DAB2: variants seen among roughly 807,000 people sequenced by gnomAD.
DAB2 encodes disabled homolog 2.
Under a neutral mutation model 71.6 loss-of-function variants are expected in DAB2, and 28 were observed. The ratio of observed to expected loss-of-function variants is 0.39; its 90% confidence interval spans 0.29 to 0.54. DAB2 has a LOEUF of 0.54. DAB2 is among the 20% of genes least tolerant of loss of function. The pLI, the probability that DAB2 is intolerant of heterozygous loss-of-function variation, is 0.68. For synonymous variants in DAB2, 345 were observed against 339.7 expected (o/e 1.02, Z -0.17); for missense variants, 867 against 928.8 (o/e 0.93, Z 0.86).
At position 39,372,384 on chromosome 5, in the gene DAB2, C is replaced by G. The variant is rs1754719806; in HGVS notation, c.*1047G>C. The G allele has an allele frequency of 6.6e-6, 1 of 152,178 alleles. No homozygotes were observed. 9.4% of individuals were successfully genotyped at this position (152,178 alleles called of 1,614,324 possible). On this transcript the variant is annotated 3_prime_UTR_variant, in exon 15 of 15. Transcript: ENST00000320816. ...GCCTAGCATGACCCCAAATAAGCAC[C>G]TAATGTGTTTGGCACAATCACATTT... is the stretch of plus-strand genomic sequence containing the variant.
chr5:39,412,449 G>A (rs1755753463), intron 1 of DAB2, among the ~76,000 whole-genome samples: 1 of 152,102 alleles, frequency 6.6e-6, no homozygotes, highest in Non-Finnish European at 1.5e-5. Context: ...TAAGTGCCAG[G>A]CATTCTTCTA....
chr5:39,394,425 T>TGGG lies in DAB2; in HGVS notation c.-101-5_-101-4insCCC. ...AAACATAACCTCCCACAGACACCTG[T>TGGG]AGGCAGAGTTTAGAGGCATATTGAG... On this transcript the variant is annotated splice_region_variant and splice_polypyrimidine_tract_variant and intron_variant, in intron 1 of 14. Transcript: ENST00000320816. 4 of 846,712 alleles carry TGGG rather than the reference T, an allele frequency of 4.7e-6. No individual in the cohort carries two copies. Among genetic ancestry groups the TGGG allele is most frequent in the Non-Finnish European group, 6.1e-6 (3 of 495,046 alleles). 52.4% of individuals were successfully genotyped at this position (846,712 alleles called of 1,614,324 possible). A position where few individuals can be genotyped will look rare whatever the true frequency, so the allele number is the denominator to read the frequency against.
At chr5:39,407,662 A>G (rs1163923802) in intron 1 of DAB2, among the ~76,000 whole-genome samples, 1 of 152,200 alleles carries the variant, frequency 6.6e-6, no homozygotes, top group Admixed American at 6.5e-5. Context: ...GGATACAATC[A>G]TTTCTTCATC....
intron 3 of DAB2, among the ~76,000 whole-genome samples, chr5:39,392,998 T>C (rs867827055): frequency 1.4e-4 from 22 of 152,274 alleles, no homozygotes; most frequent in African/African-American, 5.1e-4. Context: ...ATACGCTTGG[T>C]TCGTCCTAAT....
At chr5:39,388,999 A>G (rs981533730) in intron 7 of DAB2, 98 bp downstream of exon 7, 15 of 1,333,252 alleles carry the variant, frequency 1.1e-5, no homozygotes, top group Non-Finnish European at 1.6e-5. Flanking sequence ...ATAAACACAT[A>G]GTAATAAGCG....
At chr5:39,380,284 A>G (rs1444841743) in intron 11 of DAB2, among the ~76,000 whole-genome samples, 3 of 152,202 alleles carry the variant, frequency 2.0e-5, no homozygotes, top group Admixed American at 2.0e-4. Flanking sequence ...CAGTTGAGTA[A>G]CAGTCCTCCT....
At chr5:39,407,083 C>A (rs747856665) in intron 1 of DAB2, among the ~76,000 whole-genome samples, 1 of 152,196 alleles carries the variant, frequency 6.6e-6, no homozygotes, top group African/African-American at 2.4e-5. Context: ...ATAGCTTTTA[C>A]TACAATCCTC....
intron 4 of DAB2, among the ~76,000 whole-genome samples, chr5:39,391,215 T>G (rs890180874): frequency 1.8e-4 from 28 of 152,310 alleles, no homozygotes; most frequent in African/African-American, 6.5e-4. Flanking sequence ...ATTGGCTTAG[T>G]GTCTTTTCTT....
chr5:39,422,342 G>T lies in DAB2; in HGVS notation c.-102+2462C>A, dbSNP rs1321721709. Reference sequence around the variant, plus strand: ...CTTTCGAATCTTTCCAGCTGGGGAGGTATGTTCTGATGAGCATTAGGACAA... The same window carrying T: ...CTTTCGAATCTTTCCAGCTGGGGAGTTATGTTCTGATGAGCATTAGGACAA... On this transcript the variant is annotated intron_variant, in intron 1 of 14. Transcript: ENST00000320816. This position sits in a 1 kb window ranked among gnomAD's most constrained non-coding sequence, Gnocchi z 4.1. 2.6e-5 allele frequency among the ~76,000 whole-genome samples: 4 copies of T among 152,136 alleles called. No individual in the cohort carries two copies. Among genetic ancestry groups the T allele is most frequent in the Non-Finnish European group, 5.9e-5 (4 of 68,028 alleles).
chr5:39,377,427 A>T (rs938917489), intron 11 of DAB2, 145 bp from the exon 12 acceptor site: 3 of 832,110 alleles, frequency 3.6e-6, no homozygotes, highest in Admixed American at 2.8e-5. Context: ...AATATGACAG[A>T]TTAATCACTG....
rs747219337 is a variant in DAB2 at position 39,389,088 on chromosome 5, C to T, written c.570+9G>A. 6.2e-7 allele frequency: 1 copy of T among 1,612,532 alleles called. No homozygotes were observed. The highest frequency in any genetic ancestry group is 1.1e-5 in the South Asian group (1 of 90,862). ...ACATGATTAACAAGAAGTAAAGATG[C>T]AATTTTACCTCAACTGCTTTGCTGG... On this transcript the variant is annotated intron_variant, in intron 7 of 14. Transcript: ENST00000320816.
intron 1 of DAB2, chr5:39,423,758 GA>G (rs1244425818): frequency 6.6e-6 from 1 of 152,164 alleles, no homozygotes; most frequent in Admixed American, 6.5e-5. Context: ...ATTTTTTCAT[GA>G]AGTCACTTTA....
chr5:39,385,101 A>G (rs1292146151), intron 9 of DAB2: 1 of 152,152 alleles, frequency 6.6e-6, no homozygotes, highest in Non-Finnish European at 1.5e-5. Flanking sequence ...TGTGAGGCAT[A>G]AAAATACAGT....
intron 1 of DAB2, chr5:39,423,641 G>A (rs1047233230): frequency 2.0e-5 from 3 of 152,086 alleles, no homozygotes; most frequent in Non-Finnish European, 4.4e-5. Context: ...CATCTCAAAG[G>A]CATTTTTTGT....
In DAB2 at chr5:39,383,015, T is replaced by C; in HGVS notation, c.944A>G (p.Lys315Arg). Residue 315 changes from lysine (K) to arginine (R), a missense_variant, in exon 10 of 15, where the codon AAA (lysine) becomes AGA (arginine). Lys to Arg is a conservative substitution (Grantham distance 26). Around this residue, in one of 2 missense-constraint regions of DAB2, gnomAD observed 740 missense variants for 734.3 expected, o/e 1.01. Coordinates refer to ENST00000320816, the MANE Select transcript of DAB2 (RefSeq NM_001343.4). ...QSTPSSFDSL[K>R]SPDQKKENSS... ...ATTCTCTTTCTTCTGATCTGGAGATTTGAGAGAATCAAACGAAGAAGGTGT... is the reference window on the plus strand; with the variant it reads ...ATTCTCTTTCTTCTGATCTGGAGATCTGAGAGAATCAAACGAAGAAGGTGT... The C allele has an allele frequency of 6.2e-7, 1 of 1,614,074 alleles. No individual in the cohort carries two copies. The highest frequency in any genetic ancestry group is 1.1e-5 in the South Asian group (1 of 91,070).
In DAB2 at chr5:39,383,098, A is replaced by G. The variant is rs766374522; in HGVS notation, c.861T>C (p.Phe287=). 1.9e-6 allele frequency: 3 copies of G among 1,614,120 alleles called. No individual in the cohort carries two copies. The highest frequency in any genetic ancestry group is 1.7e-5 in the Admixed American group (1 of 60,028). The part of the protein sequence containing the change: ...ENAFSANLNF[F]PTPNPDPFRD... ...GGAAAGGATCAGGATTAGGGGTGGGAAAGAAGTTGAGATTGGCAGAAAAGG... is the reference window on the plus strand; with the variant it reads ...GGAAAGGATCAGGATTAGGGGTGGGGAAGAAGTTGAGATTGGCAGAAAAGG... Residue 287 remains phenylalanine, a synonymous_variant, in exon 10 of 15, where the codon TTT becomes TTC. Transcript: ENST00000320816.
At chr5:39,376,552 T>A in intron 12 of DAB2, 98 bp downstream of exon 12, 1 of 1,393,584 alleles carries the variant, frequency 7.2e-7, no homozygotes, top group South Asian at 1.3e-5. Context: ...AGCAAAGCTG[T>A]TGGCGGGTGG....
At chr5:39,378,839 T>C (rs1199608750) in intron 11 of DAB2, among the ~76,000 whole-genome samples, 1 of 152,240 alleles carries the variant, frequency 6.6e-6, no homozygotes, top group African/African-American at 2.4e-5. Context: ...TCAAATGCTA[T>C]GTTAATTCAA....
chr5:39,379,913 C>A (rs1312419171), intron 11 of DAB2, among the ~76,000 whole-genome samples: 1 of 152,228 alleles, frequency 6.6e-6, no homozygotes, highest in African/African-American at 2.4e-5. Context: ...AAGCCCTCAA[C>A]AGGGGCACCT....
Sources: gnomAD v4.1 joint callset for allele counts (sites outside exome capture counted in the v4.1 genomes callset) on GRCh38, gnomAD v4.1.1 for gene constraint, gnomAD v4.1.1 regional missense constraint, Gnocchi (gnomAD v3.1) non-coding constraint, MANE v1.5 for transcripts, NCBI Gene and HGNC (gene_info 2026-07-23, HGNC 2026-07-21) for gene names.